The following CDIN1 variants were observed in gnomAD, a reference collection of about 807,000 sequenced individuals.
CDIN1 encodes CDAN1 interacting nuclease 1.
Under a neutral mutation model 45.3 loss-of-function variants are expected in CDIN1, and 33 were observed. The ratio of observed to expected loss-of-function variants is 0.73; its 90% CI spans 0.55 to 0.97. The LOEUF (loss-of-function observed/expected upper bound fraction) is 0.97, where lower values mean the gene tolerates loss of function less well. Among genes scored for constraint, CDIN1 ranks in the 50% least tolerant of loss-of-function variants. The pLI, the probability that CDIN1 is intolerant of heterozygous loss-of-function variation, is 0.00. For missense variants in CDIN1, 303 were observed against 339.4 expected (o/e 0.89, Z 0.84); for synonymous variants, 118 against 124.4 (o/e 0.95, Z 0.34).
chr15:36,684,599 G>T (rs1296682677), intron 5 of CDIN1, among the ~76,000 whole-genome samples: 2 of 152,022 alleles, frequency 1.3e-5, no homozygotes, highest in Non-Finnish European at 2.9e-5. Flanking sequence ...CTCATAAAAT[G>T]AGTTAGGGAG....
chr15:36,768,463 G>A (rs1207749471), intron 10 of CDIN1, among the ~76,000 whole-genome samples: 1 of 152,202 alleles, frequency 6.6e-6, no homozygotes, highest in Non-Finnish European at 1.5e-5. Context: ...GAACTAGACT[G>A]TAGCTGCTGG....
At chr15:36,738,446 G>C (rs770005787) in intron 10 of CDIN1, among the ~76,000 whole-genome samples, 1 of 152,088 alleles carries the variant, frequency 6.6e-6, no homozygotes, top group Non-Finnish European at 1.5e-5. Flanking sequence ...CTATGACCCA[G>C]AGTAAGAGCC....
At chr15:36,681,113 A>G (rs2041836382) in intron 5 of CDIN1, among the ~76,000 whole-genome samples, 1 of 152,170 alleles carries the variant, frequency 6.6e-6, no homozygotes, top group Non-Finnish European at 1.5e-5. Flanking sequence ...AAGACAAAGT[A>G]TATAAAGTAT....
chr15:36,685,059 C>T (rs985455900), intron 5 of CDIN1, among the ~76,000 whole-genome samples: 8 of 151,684 alleles, frequency 5.3e-5, no homozygotes, highest in East Asian at 1.9e-4. Flanking sequence ...TTTTGAAGGG[C>T]TTTTTGTGTC....
At chr15:36,739,088 G>A (rs2044138631) in intron 10 of CDIN1, among the ~76,000 whole-genome samples, 1 of 152,172 alleles carries the variant, frequency 6.6e-6, no homozygotes, top group South Asian at 2.1e-4. Context: ...CAGTCTTTGA[G>A]TTTTGCGGTT....
At chr15:36,664,763 G>A (rs1240623550) in intron 5 of CDIN1, among the ~76,000 whole-genome samples, 1 of 152,130 alleles carries the variant, frequency 6.6e-6, no homozygotes, top group African/African-American at 2.4e-5. Flanking sequence ...AGCCAGGATG[G>A]TCTCGATCTC....
At chr15:36,657,953 A>G (rs776904462) in intron 5 of CDIN1, 48 bp downstream of exon 5, 6 of 1,462,748 alleles carry the variant, frequency 4.1e-6, no homozygotes, top group Middle Eastern at 1.7e-4. Context: ...CCCTTCCCCA[A>G]TTTAAAAATA....
chr15:36,582,395 A>G (rs144640604), intron 1 of CDIN1, among the ~76,000 whole-genome samples: 10 of 152,302 alleles, frequency 6.6e-5, no homozygotes, highest in African/African-American at 1.4e-4. Flanking sequence ...GATTTAATGC[A>G]ATTAATAAGA....
chr15:36,767,893 T>C (rs974461385), intron 10 of CDIN1, among the ~76,000 whole-genome samples: 2 of 152,204 alleles, frequency 1.3e-5, no homozygotes, highest in Non-Finnish European at 2.9e-5. Flanking sequence ...AATGACTTCC[T>C]CATTTTAAGT....
intron 1 of CDIN1, among the ~76,000 whole-genome samples, chr15:36,619,668 G>A (rs2039074004): frequency 1.3e-5 from 2 of 151,878 alleles, no homozygotes; most frequent in Admixed American, 1.3e-4. Context: ...CTTCAGTATA[G>A]GAGATGAGGG....
At chr15:36,673,773 A>T (rs2041540686) in intron 5 of CDIN1, among the ~76,000 whole-genome samples, 1 of 152,238 alleles carries the variant, frequency 6.6e-6, no homozygotes, top group African/African-American at 2.4e-5. Context: ...ATACTATACC[A>T]AATAAAAGGC....
chr15:36,705,903 T>A (rs1418759365), intron 8 of CDIN1: 1 of 152,178 alleles, frequency 6.6e-6, no homozygotes, highest in Non-Finnish European at 1.5e-5. Flanking sequence ...CTAAAAGTAC[T>A]ATTTCAGATT....
chr15:36,707,829 ATCT>A (rs1566919164), intron 8 of CDIN1: 5 of 152,268 alleles, frequency 3.3e-5, no homozygotes, highest in Admixed American at 2.6e-4. Context: ...AACTTGTCCA[ATCT>A]TCTTCATCTA....
At chr15:36,777,951 C>A (rs1272728554) in intron 10 of CDIN1, among the ~76,000 whole-genome samples, 1 of 152,182 alleles carries the variant, frequency 6.6e-6, no homozygotes, top group Non-Finnish European at 1.5e-5. Context: ...TATCTGATGA[C>A]CTAGTTAATT....
chr15:36,608,816 A>G (rs2038502639), intron 1 of CDIN1, among the ~76,000 whole-genome samples: 1 of 152,172 alleles, frequency 6.6e-6, no homozygotes, highest in Admixed American at 6.5e-5. Context: ...TAAATTAAAA[A>G]AAAACTTGGC....
At chr15:36,686,583 A>G (rs1479350811) in intron 5 of CDIN1, among the ~76,000 whole-genome samples, 1 of 151,440 alleles carries the variant, frequency 6.6e-6, no homozygotes, top group South Asian at 2.1e-4. Context: ...AAAAAGAAAA[A>G]GAAATCATCA....
intron 1 of CDIN1, among the ~76,000 whole-genome samples, chr15:36,636,070 A>G (rs2039886377): frequency 1.3e-5 from 2 of 152,202 alleles, no homozygotes. Context: ...AAAATGATGA[A>G]AGGTACGCAG....
chr15:36,659,623 TG>T (rs1318819008), intron 5 of CDIN1, among the ~76,000 whole-genome samples: 2 of 151,692 alleles, frequency 1.3e-5, no homozygotes, highest in East Asian at 3.9e-4. Flanking sequence ...AGTCAGGTTT[TG>T]TTTTTTTTTT....
At chr15:36,655,070 C>G (rs2040726384) in intron 4 of CDIN1, among the ~76,000 whole-genome samples, 2 of 152,122 alleles carry the variant, frequency 1.3e-5, no homozygotes, top group Admixed American at 6.5e-5. Flanking sequence ...GCAGTAGCAG[C>G]AAGTTCTACA....
Sources: allele counts gnomAD v4.1 joint callset (sites outside exome capture counted in the v4.1 genomes callset), GRCh38; gene constraint gnomAD v4.1.1; transcripts MANE v1.5; gene names NCBI Gene and HGNC (gene_info 2026-07-23, HGNC 2026-07-21).